CEP112: variants seen among roughly 807,000 people sequenced by gnomAD.
CEP112 encodes centrosomal protein of 112 kDa.
Under a neutral mutation model 153.0 loss-of-function variants are expected in CEP112, and 127 were observed. The ratio of observed to expected loss-of-function variants is 0.83; its 90% CI spans 0.72 to 0.96. The LOEUF (loss-of-function observed/expected upper bound fraction) is 0.96, where lower values mean the gene tolerates loss of function less well. Among genes scored for constraint, CEP112 ranks in the 40% least tolerant of loss-of-function variants. The pLI is 0.00. For synonymous variants in CEP112, 358 were observed against 374.4 expected, an observed-to-expected ratio of 0.96 and a Z score of 0.51; for missense variants, 1,089 against 1,101.2, an observed-to-expected ratio of 0.99 and a Z score of 0.16.
chr17:65,971,446 C>T (rs2062800845), intron 17 of CEP112, among the ~76,000 whole-genome samples: 1 of 65,804 alleles, frequency 1.5e-5, no homozygotes, highest in Admixed American at 2.3e-4. Flanking sequence ...ATGGATGCCG[C>T]ATGCATGCAT....
At chr17:66,003,195 T>C (rs12451241) in intron 17 of CEP112, among the ~76,000 whole-genome samples, 1 of 152,058 alleles carries the variant, frequency 6.6e-6, no homozygotes, top group East Asian at 1.9e-4. Context: ...GATGGATAAA[T>C]AATCTACAGA....
At chr17:66,189,264 G>A (rs1304458091) in intron 1 of CEP112, among the ~76,000 whole-genome samples, 1 of 152,156 alleles carries the variant, frequency 6.6e-6, no homozygotes, top group African/African-American at 2.4e-5. Flanking sequence ...ACGTTGGGAA[G>A]CTGAGGCAGG....
chr17:65,851,780 T>TAA (rs776259687), intron 21 of CEP112, 24 bp downstream of exon 21: 1 of 1,563,872 alleles, frequency 6.4e-7, no homozygotes, highest in Admixed American at 1.7e-5. Flanking sequence ...AACTGCCTAT[T>TAA]AAAAAACTAG....
At chr17:66,111,072 G>A (rs563692805) in intron 6 of CEP112, among the ~76,000 whole-genome samples, 4 of 152,122 alleles carry the variant, frequency 2.6e-5, no homozygotes, top group African/African-American at 7.2e-5. Flanking sequence ...CTCAAAAGAA[G>A]ACATACACGT....
At chr17:65,802,581 T>A (rs2055344839) in intron 21 of CEP112, among the ~76,000 whole-genome samples, 1 of 152,178 alleles carries the variant, frequency 6.6e-6, no homozygotes, top group Non-Finnish European at 1.5e-5. Flanking sequence ...TTATCTTCAA[T>A]TCTTCACTAA....
intron 21 of CEP112, among the ~76,000 whole-genome samples, chr17:65,762,713 A>G (rs1437883799): frequency 6.6e-6 from 1 of 151,948 alleles, no homozygotes; most frequent in Admixed American, 6.6e-5. Context: ...GAATGAAATA[A>G]TCCTAATTTA....
At chr17:65,703,353 C>T (rs1598354399) in intron 23 of CEP112, among the ~76,000 whole-genome samples, 1 of 151,660 alleles carries the variant, frequency 6.6e-6, no homozygotes, top group Non-Finnish European at 1.5e-5. Context: ...TCTACTAAAA[C>T]TACAAAAATT....
chr17:65,689,522 C>G (rs780380036), intron 23 of CEP112, among the ~76,000 whole-genome samples: 4 of 152,156 alleles, frequency 2.6e-5, no homozygotes, highest in Non-Finnish European at 4.4e-5. Flanking sequence ...TGTAATAAAG[C>G]ATAACACTAT....
intron 21 of CEP112, among the ~76,000 whole-genome samples, chr17:65,844,199 G>A (rs1177141848): frequency 1.3e-5 from 2 of 152,052 alleles, no homozygotes; most frequent in African/African-American, 4.8e-5. Flanking sequence ...TACAAATTAG[G>A]TAAAACTACT....
chr17:65,641,950 G>A (rs186179230), intron 24 of CEP112, among the ~76,000 whole-genome samples: 30 of 152,166 alleles, frequency 2.0e-4, no homozygotes, highest in African/African-American at 6.7e-4. Context: ...AAATACTATC[G>A]GGCCTGTGTT....
Position 66,096,341 on chromosome 17 carries a change from C to T in CEP112, c.691-13G>A. 8.7e-6 allele frequency: 14 copies of T among 1,607,720 alleles called. No homozygotes were observed. The highest frequency in any genetic ancestry group is 1.2e-5 in the Non-Finnish European group (14 of 1,175,348). On this transcript the variant is annotated splice_polypyrimidine_tract_variant and intron_variant, in intron 7 of 26. Transcript: ENST00000535342. Reference sequence around the variant, plus strand: ...ATTTCGGTGTCATCTGCTAAATGAACAGGAGTTATTTAACATGTTTTCAGA... The same window carrying T: ...ATTTCGGTGTCATCTGCTAAATGAATAGGAGTTATTTAACATGTTTTCAGA...
At chr17:65,863,766 A>C (rs533146010) in intron 20 of CEP112, among the ~76,000 whole-genome samples, 1 of 151,530 alleles carries the variant, frequency 6.6e-6, no homozygotes, top group Admixed American at 6.6e-5. Flanking sequence ...AAAAAGAAAA[A>C]AAAAAGAAAC....
chr17:66,119,239 T>C (rs2069456707), intron 6 of CEP112, among the ~76,000 whole-genome samples: 1 of 152,128 alleles, frequency 6.6e-6, no homozygotes, highest in South Asian at 2.1e-4. Context: ...AAAGAGCTAA[T>C]GCACGCTGGG....
chr17:66,168,841 G>A (rs1405411865), intron 4 of CEP112, among the ~76,000 whole-genome samples: 1 of 151,872 alleles, frequency 6.6e-6, no homozygotes. Context: ...TGTCCAATAG[G>A]GAACATCCCA....
At chr17:65,813,925 AT>A (rs2056126182) in intron 21 of CEP112, among the ~76,000 whole-genome samples, 1 of 152,166 alleles carries the variant, frequency 6.6e-6, no homozygotes, top group South Asian at 2.1e-4. Flanking sequence ...AAACAATTCT[AT>A]TTTAAAATCT....
intron 21 of CEP112, among the ~76,000 whole-genome samples, chr17:65,815,089 A>C (rs1008058290): frequency 1.3e-5 from 2 of 151,906 alleles, no homozygotes; most frequent in African/African-American, 4.8e-5. Flanking sequence ...GTCCAATTGA[A>C]GAAATGTTTG....
chr17:65,940,822 G>C (rs1177620872), intron 18 of CEP112, among the ~76,000 whole-genome samples: 1 of 152,158 alleles, frequency 6.6e-6, no homozygotes, highest in Non-Finnish European at 1.5e-5. Context: ...ATCAACTGCA[G>C]AGCATAGCGA....
At chr17:65,927,749 T>C (rs1022602358) in intron 18 of CEP112, 60 bp from the exon 19 acceptor site, 7 of 1,069,572 alleles carry the variant, frequency 6.5e-6, no homozygotes, top group African/African-American at 1.6e-5. Context: ...TCCATGTTTT[T>C]GTAATTTGTC....
chr17:66,148,540 T>C (rs965552777), intron 4 of CEP112, among the ~76,000 whole-genome samples: 3 of 152,186 alleles, frequency 2.0e-5, no homozygotes, highest in Non-Finnish European at 1.5e-5. Context: ...TTCATCAAGG[T>C]TTTGTAGTTC....
Sources: allele counts gnomAD v4.1 joint callset (sites outside exome capture counted in the v4.1 genomes callset), GRCh38; gene constraint gnomAD v4.1.1; transcripts MANE v1.5; gene names NCBI Gene and HGNC (gene_info 2026-07-23, HGNC 2026-07-21).